CRYBG1: variants seen among roughly 807,000 people sequenced by gnomAD.
The protein encoded by CRYBG1 is crystallin beta-gamma domain containing 1, also known as beta/gamma crystallin domain-containing protein 1.
CRYBG1 carries 139 observed loss-of-function variants against 189.2 expected under a neutral mutation model. That is an observed-to-expected ratio of 0.73 (90% CI 0.64 to 0.85). The LOEUF (loss-of-function observed/expected upper bound fraction) is 0.85. CRYBG1 is among the 40% of genes least tolerant of loss of function. The probability of loss-of-function intolerance (pLI) is 0.00; values close to 1 mark genes in which losing one functional copy is unlikely to be tolerated. For synonymous variants in CRYBG1, 1,023 were observed against 1,017.1 expected, an observed-to-expected ratio of 1.01 and a Z score of -0.11; for missense variants, 2,611 against 2,675.8, an observed-to-expected ratio of 0.98 and a Z score of 0.53.
At chr6:106,414,580 T>C (rs918453404) in intron 1 of CRYBG1, among the ~76,000 whole-genome samples, 1 of 152,200 alleles carries the variant, frequency 6.6e-6, no homozygotes, top group African/African-American at 2.4e-5. Flanking sequence ...CTGGGAGTGG[T>C]CATTTTTTGT....
chr6:106,465,478 AG>A (rs1391822813), intron 2 of CRYBG1, among the ~76,000 whole-genome samples: 1 of 152,206 alleles, frequency 6.6e-6, no homozygotes, highest in African/African-American at 2.4e-5. Flanking sequence ...AACAGGAGGA[AG>A]GAGGAAGCTG....
intron 1 of CRYBG1, among the ~76,000 whole-genome samples, chr6:106,380,426 G>C (rs1048631644): frequency 1.3e-5 from 2 of 152,172 alleles, no homozygotes; most frequent in South Asian, 2.1e-4. Flanking sequence ...ACAGCTTGGT[G>C]GTGGGTCAGA....
chr6:106,362,186 G>A (rs558886193), intron 1 of CRYBG1, among the ~76,000 whole-genome samples: 120 of 151,508 alleles, frequency 7.9e-4, no homozygotes, highest in African/African-American at 2.2e-3. Context: ...AGACAGGATG[G>A]TCTCGATCTC....
chr6:106,537,745 G>GCC (rs1253053634), intron 8 of CRYBG1, among the ~76,000 whole-genome samples: 1 of 152,090 alleles, frequency 6.6e-6, no homozygotes, highest in Non-Finnish European at 1.5e-5. Context: ...GCGTCCTCAC[G>GCC]CCCTCTTCCC....
At chr6:106,371,372 T>G (rs1309272795) in intron 1 of CRYBG1, among the ~76,000 whole-genome samples, 3 of 152,204 alleles carry the variant, frequency 2.0e-5, no homozygotes, top group African/African-American at 7.2e-5. Context: ...ACCTAAGAAC[T>G]GGCCCTTTTC....
At chr6:106,465,614 G>A (rs1772100548) in intron 2 of CRYBG1, among the ~76,000 whole-genome samples, 1 of 151,858 alleles carries the variant, frequency 6.6e-6, no homozygotes, top group Admixed American at 6.6e-5. Flanking sequence ...TTGTACTGCT[G>A]GAAAAAAATC....
At chr6:106,510,810 G>C (rs999477714) in intron 2 of CRYBG1, among the ~76,000 whole-genome samples, 1 of 152,350 alleles carries the variant, frequency 6.6e-6, no homozygotes, top group East Asian at 1.9e-4. Flanking sequence ...TTGAACGCTC[G>C]CGCGCTCCTC....
intron 2 of CRYBG1, among the ~76,000 whole-genome samples, chr6:106,497,153 C>T (rs958841030): frequency 4.6e-5 from 7 of 151,832 alleles, no homozygotes; most frequent in African/African-American, 1.5e-4. Context: ...GCCACCCTCC[C>T]CACCCCCCAT....
Position 106,546,389 on chromosome 6 carries a change from G to T in CRYBG1, c.5312+1456G>T, listed in dbSNP as rs536157443. Among the ~76,000 whole-genome samples, 29 of 152,322 alleles carry T rather than the reference G, an allele frequency of 1.9e-4. No homozygotes were observed. The East Asian group carries it at 5.6e-3, about 29-fold the overall frequency. ...TGAAAGTGTTTGGTGTTAGGTTTTT[G>T]TTGTCATAGTGACATAGACTATTTG... On this transcript the variant is annotated intron_variant, in intron 13 of 21. Coordinates refer to ENST00000633556, the MANE Select transcript of CRYBG1 (RefSeq NM_001371242.2).
intron 21 of CRYBG1, 62 bp from the exon 22 acceptor site, chr6:106,568,410 G>GTGTC: frequency 2.3e-6 from 3 of 1,294,122 alleles, no homozygotes; most frequent in Admixed American, 3.5e-5. Flanking sequence ...TAGGGGAATT[G>GTGTC]TGTCTGCTAT....
intron 2 of CRYBG1, among the ~76,000 whole-genome samples, chr6:106,457,693 A>C (rs1265199243): frequency 6.6e-6 from 1 of 152,172 alleles, no homozygotes; most frequent in Admixed American, 6.5e-5. Flanking sequence ...TTTCATCAGC[A>C]GTCAGATCTT....
chr6:106,384,103 C>A (rs1037807375), intron 1 of CRYBG1, among the ~76,000 whole-genome samples: 3 of 152,178 alleles, frequency 2.0e-5, no homozygotes, highest in African/African-American at 7.2e-5. Context: ...GCTTGCAGAG[C>A]ACTTACTGCT....
rs1487613932 is a variant in CRYBG1, at chr6:106,520,837, A to C, written c.3629A>C (p.Asn1210Thr). ...TCCCTGCACACCAACACTAATGGGA[A>C]CAGTGAGCCTCTGGTGATGCCGGAA... ...FKSLHTNTNG[N>T]SEPLVMPEIN... The change falls in exon 4 of 22, where the codon AAC (asparagine) becomes ACC (threonine). Residue 1210 changes from asparagine (N) to threonine (T), a missense_variant. Physicochemically the swap from Asn to Thr is moderately conservative, Grantham distance 65. Coordinates refer to ENST00000633556, the MANE Select transcript of CRYBG1 (RefSeq NM_001371242.2). The C allele has an allele frequency of 2.5e-6, 4 of 1,614,064 alleles. No homozygotes were observed. Among genetic ancestry groups the C allele is most frequent in the African/African-American group, 1.3e-5 (1 of 74,926 alleles).
At chr6:106,517,459 T>C (rs1338835625) in intron 3 of CRYBG1, among the ~76,000 whole-genome samples, 1 of 114,318 alleles carries the variant, frequency 8.7e-6, no homozygotes, top group African/African-American at 3.3e-5. Context: ...CACACATATA[T>C]ATATACACAC....
chr6:106,415,967 G>T (rs935012773), intron 1 of CRYBG1, among the ~76,000 whole-genome samples: 2 of 152,046 alleles, frequency 1.3e-5, no homozygotes, highest in African/African-American at 2.4e-5. Flanking sequence ...CCTTGCTCGA[G>T]CAAGCAGTCC....
intron 2 of CRYBG1, among the ~76,000 whole-genome samples, chr6:106,493,399 T>C (rs1772768301): frequency 6.6e-6 from 1 of 152,224 alleles, no homozygotes; most frequent in Non-Finnish European, 1.5e-5. Context: ...ACTGGGAATA[T>C]AAAATGGTGC....
At chr6:106,510,444 T>A (rs1231671243) in intron 2 of CRYBG1, among the ~76,000 whole-genome samples, 2 of 152,224 alleles carry the variant, frequency 1.3e-5, no homozygotes, top group Non-Finnish European at 2.9e-5. Flanking sequence ...CACTGGATGC[T>A]AGCCGTTTTG....
At chr6:106,482,544 G>A (rs1165773152) in intron 2 of CRYBG1, among the ~76,000 whole-genome samples, 1 of 151,914 alleles carries the variant, frequency 6.6e-6, no homozygotes, top group Admixed American at 6.5e-5. Flanking sequence ...GGGAGGCCGA[G>A]GGGGGTGAAT....
chr6:106,461,879 G>A (rs1409571565), intron 2 of CRYBG1, among the ~76,000 whole-genome samples: 1 of 152,136 alleles, frequency 6.6e-6, no homozygotes, highest in Non-Finnish European at 1.5e-5. Flanking sequence ...CGGCATAGGC[G>A]TCCTGACTCC....
Sources: gnomAD v4.1 joint callset for allele counts (sites outside exome capture counted in the v4.1 genomes callset) on GRCh38, gnomAD v4.1.1 for gene constraint, MANE v1.5 for transcripts, NCBI Gene and HGNC (gene_info 2026-07-23, HGNC 2026-07-21) for gene names.